Variants in RBMS3 observed in about 807,000 individuals in gnomAD.
RBMS3 encodes the protein RNA binding motif single stranded interacting protein 3.
In RBMS3, 27 loss-of-function variants were observed where a neutral mutation model predicts 66.8. The observed-to-expected ratio is 0.40, with a 90% CI of 0.30 to 0.56. The LOEUF (loss-of-function observed/expected upper bound fraction) is 0.56, where lower values mean the gene tolerates loss of function less well. Among genes scored for constraint, RBMS3 ranks in the 20% least tolerant of loss-of-function variants. The pLI is 0.40. For synonymous variants in RBMS3, 188 were observed against 183.0 expected (o/e 1.03, Z -0.22); for missense variants, 513 against 549.5 (o/e 0.93, Z 0.66).
intron 4 of RBMS3, among the ~76,000 whole-genome samples, chr3:29,607,460 G>A (rs2048351387): frequency 6.6e-6 from 1 of 151,848 alleles, no homozygotes; most frequent in South Asian, 2.1e-4. Context: ...TATTTTATAA[G>A]GATATTATTC....
intron 11 of RBMS3, 69 bp from the exon 12 acceptor site, chr3:29,944,138 T>C: frequency 1.4e-6 from 2 of 1,414,052 alleles, no homozygotes; most frequent in Non-Finnish European, 9.9e-7. Flanking sequence ...TTCCACGTGT[T>C]AGGGCTGATT....
chr3:29,736,810 C>G (rs2054398927), intron 4 of RBMS3, among the ~76,000 whole-genome samples: 1 of 152,196 alleles, frequency 6.6e-6, no homozygotes, highest in Non-Finnish European at 1.5e-5. Flanking sequence ...GTGCTTCTAA[C>G]ACTTCCATTA....
At chr3:29,736,914 C>T (rs2054404786) in intron 4 of RBMS3, among the ~76,000 whole-genome samples, 1 of 152,132 alleles carries the variant, frequency 6.6e-6, no homozygotes, top group Admixed American at 6.5e-5. Flanking sequence ...TGAGTTTGTT[C>T]ACTGTTTTTA....
At chr3:29,922,829 C>G (rs1335821211) in intron 10 of RBMS3, among the ~76,000 whole-genome samples, 1 of 152,182 alleles carries the variant, frequency 6.6e-6, no homozygotes, top group Non-Finnish European at 1.5e-5. Context: ...CATTGATTGT[C>G]TATCCATTTA....
intron 5 of RBMS3, among the ~76,000 whole-genome samples, chr3:29,747,156 A>G (rs1436177243): frequency 6.6e-6 from 1 of 152,182 alleles, no homozygotes; most frequent in Admixed American, 6.5e-5. Flanking sequence ...ATATCATTTG[A>G]GCCTCTTTTA....
intron 10 of RBMS3, among the ~76,000 whole-genome samples, chr3:29,910,862 T>C (rs1431058395): frequency 6.6e-6 from 1 of 151,972 alleles, no homozygotes; most frequent in African/African-American, 2.4e-5. Flanking sequence ...TAGAGTTAGA[T>C]TTTTCAAAAT....
intron 2 of RBMS3, among the ~76,000 whole-genome samples, chr3:29,437,668 A>C (rs2041451377): frequency 6.6e-6 from 1 of 152,186 alleles, no homozygotes; most frequent in Non-Finnish European, 1.5e-5. Context: ...AATGTAGTGG[A>C]AATAACTGTG....
intron 4 of RBMS3, among the ~76,000 whole-genome samples, chr3:29,652,150 C>T (rs569670713): frequency 5.9e-5 from 9 of 152,040 alleles, no homozygotes; most frequent in African/African-American, 1.9e-4. Context: ...GAAATTTCAA[C>T]GTGTTGGCAA....
chr3:29,948,542 G>A (rs940014106), intron 12 of RBMS3, among the ~76,000 whole-genome samples: 2 of 151,708 alleles, frequency 1.3e-5, no homozygotes, highest in Non-Finnish European at 3.0e-5. Context: ...TAGATACCAT[G>A]AGCTAATTAC....
At chr3:29,588,203 G>A (rs1414569210) in intron 4 of RBMS3, among the ~76,000 whole-genome samples, 1 of 151,916 alleles carries the variant, frequency 6.6e-6, no homozygotes, top group East Asian at 1.9e-4. Context: ...GGCCATTTAG[G>A]ATTTATTCAC....
chr3:29,613,878 G>T (rs757031532), intron 4 of RBMS3, among the ~76,000 whole-genome samples: 3 of 152,046 alleles, frequency 2.0e-5, no homozygotes, highest in Non-Finnish European at 4.4e-5. Flanking sequence ...ACTACTGGTA[G>T]AAAAGTAAAT....
chr3:29,878,570 G>A (rs2059664505), intron 7 of RBMS3, among the ~76,000 whole-genome samples: 1 of 151,980 alleles, frequency 6.6e-6, no homozygotes, highest in South Asian at 2.1e-4. Flanking sequence ...TACTGACCCA[G>A]CAAAGCTAAA....
chr3:29,486,424 G>GA, intron 2 of RBMS3, among the ~76,000 whole-genome samples: 1 of 152,262 alleles, frequency 6.6e-6, no homozygotes, highest in South Asian at 2.1e-4. Flanking sequence ...ATTCTGTGCT[G>GA]TCGGAAAGTC....
chr3:29,340,066 CT>C (rs1364791418), intron 1 of RBMS3, among the ~76,000 whole-genome samples: 2 of 152,098 alleles, frequency 1.3e-5, no homozygotes, highest in African/African-American at 2.4e-5. Flanking sequence ...TAGATATCTT[CT>C]ATTAAAGCAC....
Position 29,926,047 on chromosome 3 carries a change from C to T in RBMS3, c.940-10039C>T, listed in dbSNP as rs538708010. ...CAGTTTTAAATATATTAATTGAAAT[C>T]TTGAAGGCCTCAGAATGTAACTTGT... On this transcript the variant is annotated intron_variant, in intron 10 of 14. Coordinates refer to ENST00000383767, the MANE Select transcript of RBMS3 (RefSeq NM_001003793.3). Among the ~76,000 whole-genome samples the T allele has an allele frequency of 7.9e-5, 12 of 152,194 alleles. No individual in the cohort carries two copies. In the South Asian group the frequency reaches 1.5e-3, roughly 18 times the overall value.
intron 1 of RBMS3, among the ~76,000 whole-genome samples, chr3:29,428,036 C>T (rs2125712577): frequency 6.6e-6 from 1 of 152,288 alleles, no homozygotes; most frequent in Non-Finnish European, 1.5e-5. Flanking sequence ...GATGGTGGAA[C>T]TGCGTATGTT....
chr3:29,739,404 C>T (rs1437277287), intron 4 of RBMS3, among the ~76,000 whole-genome samples: 3 of 144,944 alleles, frequency 2.1e-5, no homozygotes, highest in Admixed American at 7.2e-5. Context: ...TGCAGTGAGT[C>T]GAGATCGCGC....
At chr3:29,363,214 T>C (rs1396318214) in intron 1 of RBMS3, among the ~76,000 whole-genome samples, 1 of 152,218 alleles carries the variant, frequency 6.6e-6, no homozygotes, top group Admixed American at 6.5e-5. Context: ...GAAAGTTGGA[T>C]ACAATGTGTT....
intron 3 of RBMS3, among the ~76,000 whole-genome samples, chr3:29,505,478 A>G (rs1576041570): frequency 6.8e-6 from 1 of 146,778 alleles, no homozygotes; most frequent in Non-Finnish European, 1.5e-5. Context: ...TGTATTTTGA[A>G]GTCATGTAGT....
Sources: gnomAD v4.1 joint callset for allele counts (sites outside exome capture counted in the v4.1 genomes callset) on GRCh38, gnomAD v4.1.1 for gene constraint, MANE v1.5 for transcripts, NCBI Gene and HGNC (gene_info 2026-07-23, HGNC 2026-07-21) for gene names.